Variants in CLASP2 observed in about 807,000 individuals in gnomAD.
CLASP2 encodes CLIP-associating protein 2.
In CLASP2, 47 loss-of-function variants were observed where a neutral mutation model predicts 194.4. The ratio of observed to expected loss-of-function variants is 0.24; its 90% CI spans 0.19 to 0.31. The LOEUF (loss-of-function observed/expected upper bound fraction) is 0.31. Ranked by LOEUF, CLASP2 falls within the 10% of genes least tolerant of loss-of-function variation. CLASP2 has a pLI of 1.00. For missense variants in CLASP2, 1,445 were observed against 1,823.6 expected (o/e 0.79, Z 3.78); for synonymous variants, 619 against 633.5 (o/e 0.98, Z 0.34).
intron 26 of CLASP2, 132 bp downstream of exon 26, chr3:33,570,595 A>C: frequency 1.7e-6 from 2 of 1,156,172 alleles, no homozygotes; most frequent in Non-Finnish European, 2.5e-6. Flanking sequence ...GATACCAAAC[A>C]ATTTTAATTA....
rs2064410107 is a variant in CLASP2 at position 33,574,437 on chromosome 3, G to GTA, written c.2455-1085_2455-1084dup. 2.2e-6 allele frequency: 3 copies of GTA among 1,344,406 alleles called. No individual in the cohort carries two copies. In the South Asian group the frequency reaches 4.3e-5, roughly 19 times the overall value. 83.3% of individuals were successfully genotyped at this position (1,344,406 alleles called of 1,614,324 possible). On this transcript the variant is annotated intron_variant, in intron 24 of 38. Coordinates refer to ENST00000682230, the MANE Select transcript of CLASP2 (RefSeq NM_001365631.1). ...ATTGATGAAAGAAAAAAAAGTTATG[G>GTA]TATCATAAGATGTCAGAAAATAGCA...
At chr3:33,545,468 T>C (rs919507492) in intron 30 of CLASP2, among the ~76,000 whole-genome samples, 1 of 152,164 alleles carries the variant, frequency 6.6e-6, no homozygotes, top group African/African-American at 2.4e-5. Flanking sequence ...ACCCACTCTA[T>C]GAAAAATACA....
chr3:33,519,889 C>T (rs189302328), intron 34 of CLASP2, among the ~76,000 whole-genome samples: 12 of 152,290 alleles, frequency 7.9e-5, no homozygotes, highest in Admixed American at 3.9e-4. Context: ...TTTCCAAAAA[C>T]GTCTTCCTTT....
chr3:33,517,248 TATG>T, intron 34 of CLASP2, 74 bp from the exon 35 acceptor site: 1 of 1,137,842 alleles, frequency 8.8e-7, no homozygotes, highest in Non-Finnish European at 1.2e-6. Context: ...AACAACTTTA[TATG>T]ATGAAACACA....
At chr3:33,649,029 C>T (rs910993501) in intron 7 of CLASP2, among the ~76,000 whole-genome samples, 1 of 152,232 alleles carries the variant, frequency 6.6e-6, no homozygotes, top group Non-Finnish European at 1.5e-5. Context: ...TTAACGGTCA[C>T]ACAGGTCTCT....
chr3:33,647,683 A>G (rs912672372), intron 7 of CLASP2, among the ~76,000 whole-genome samples: 1 of 152,222 alleles, frequency 6.6e-6, no homozygotes, highest in Non-Finnish European at 1.5e-5. Context: ...AGGAGGGCAG[A>G]TGGTTTTGAT....
chr3:33,563,479 G>A (rs2062123161), intron 27 of CLASP2, among the ~76,000 whole-genome samples: 1 of 152,140 alleles, frequency 6.6e-6, no homozygotes, highest in Non-Finnish European at 1.5e-5. Flanking sequence ...CTGGATTTCT[G>A]TAGTAGCCTG....
intron 34 of CLASP2, among the ~76,000 whole-genome samples, chr3:33,522,614 G>A (rs920928595): frequency 2.0e-5 from 3 of 152,104 alleles, no homozygotes; most frequent in African/African-American, 7.2e-5. Context: ...ACTAGACAAA[G>A]ATTTTAAAAT....
intron 34 of CLASP2, among the ~76,000 whole-genome samples, chr3:33,527,741 C>A: frequency 6.6e-6 from 1 of 152,108 alleles, no homozygotes; most frequent in Admixed American, 6.6e-5. Context: ...GCAGGCAGAT[C>A]ACCTGAGGTC....
At chr3:33,694,367 C>T (rs2091656133) in intron 2 of CLASP2, among the ~76,000 whole-genome samples, 1 of 152,116 alleles carries the variant, frequency 6.6e-6, no homozygotes, top group African/African-American at 2.4e-5. Flanking sequence ...ACATAAAACC[C>T]CATGTGGTAC....
chr3:33,693,621 T>C (rs757113835), intron 2 of CLASP2, among the ~76,000 whole-genome samples: 2 of 152,098 alleles, frequency 1.3e-5, no homozygotes, highest in Non-Finnish European at 2.9e-5. Context: ...GTATGTAAAG[T>C]AGTAAAAGGG....
intron 34 of CLASP2, among the ~76,000 whole-genome samples, chr3:33,527,026 T>C (rs1368529375): frequency 2.6e-5 from 4 of 152,024 alleles, no homozygotes; most frequent in Non-Finnish European, 4.4e-5. Context: ...ATCAAAAAGT[T>C]AGATCTCAAA....
At position 33,498,600 on chromosome 3, in the gene CLASP2, T is replaced by G; in HGVS notation, c.*31A>C. On this transcript the variant is annotated 3_prime_UTR_variant, in exon 39 of 39. Transcript: ENST00000682230. ...AGGGTGGTCTATCTGTCCTTTCTTT[T>G]GAGAGACCTGGTTCGCTGTGATGAG... The G allele has an allele frequency of 1.3e-6, 2 of 1,482,018 alleles. No homozygotes were observed. The highest frequency in any genetic ancestry group is 1.9e-6 in the Non-Finnish European group (2 of 1,064,066). 91.8% of individuals were successfully genotyped at this position (1,482,018 alleles called of 1,614,324 possible). A position where few individuals can be genotyped will look rare whatever the true frequency, so the allele number is the denominator to read the frequency against.
chr3:33,640,331 A>G (rs1179479987), intron 8 of CLASP2, among the ~76,000 whole-genome samples: 1 of 152,232 alleles, frequency 6.6e-6, no homozygotes, highest in African/African-American at 2.4e-5. Context: ...TAGAAAATAG[A>G]TATTTGGACA....
chr3:33,538,684 T>C, intron 33 of CLASP2, 105 bp downstream of exon 33: 1 of 921,432 alleles, frequency 1.1e-6, no homozygotes, highest in Non-Finnish European at 1.6e-6. Context: ...GAGTGACTGA[T>C]CCCTAGAAAA....
chr3:33,600,983 G>T (rs1274177855), intron 18 of CLASP2, among the ~76,000 whole-genome samples: 1 of 143,420 alleles, frequency 7.0e-6, no homozygotes, highest in Non-Finnish European at 1.5e-5. Flanking sequence ...TTTTGAGGCG[G>T]AGTCTTGCTC....
At chr3:33,623,820 G>A (rs2077518611) in intron 10 of CLASP2, among the ~76,000 whole-genome samples, 1 of 151,970 alleles carries the variant, frequency 6.6e-6, no homozygotes, top group Admixed American at 6.6e-5. Context: ...TCATATTGTG[G>A]TTTTATTTTT....
chr3:33,704,198 A>T (rs2092552680), intron 1 of CLASP2, among the ~76,000 whole-genome samples: 1 of 150,048 alleles, frequency 6.7e-6, no homozygotes, highest in Admixed American at 6.6e-5. Flanking sequence ...CAACACTTAG[A>T]GTGAAGCCTA....
At chr3:33,659,100 C>T in intron 7 of CLASP2, 1 of 1,492,894 alleles carries the variant, frequency 6.7e-7, no homozygotes, top group Non-Finnish European at 8.9e-7. Flanking sequence ...ACACCCGGAG[C>T]ACTGTGTGAC....
Sources: gnomAD v4.1 joint callset for allele counts (sites outside exome capture counted in the v4.1 genomes callset) on GRCh38, gnomAD v4.1.1 for gene constraint, MANE v1.5 for transcripts, NCBI Gene and HGNC (gene_info 2026-07-23, HGNC 2026-07-21) for gene names.